The following FHIT variants were observed in gnomAD, a reference collection of about 807,000 sequenced individuals.
FHIT encodes bis(5'-adenosyl)-triphosphatase.
FHIT carries 19 observed loss-of-function variants against 17.9 expected under a neutral mutation model. That is an observed-to-expected ratio of 1.06 (90% confidence interval 0.74 to 1.56). The LOEUF (loss-of-function observed/expected upper bound fraction) is 1.56, where lower values mean the gene tolerates loss of function less well. Ranked by LOEUF, FHIT falls within the 40% of genes most tolerant of loss-of-function variation. The probability of loss-of-function intolerance (pLI) is 0.00; values close to 1 mark genes in which losing one functional copy is unlikely to be tolerated. For missense variants in FHIT, 248 were observed against 189.2 expected (o/e 1.31, Z -1.82); for synonymous variants, 81 against 69.7 (o/e 1.16, Z -0.81).
At chr3:60,547,612 C>T (rs2036409926) in intron 4 of FHIT, among the ~76,000 whole-genome samples, 1 of 152,172 alleles carries the variant, frequency 6.6e-6, no homozygotes, top group South Asian at 2.1e-4. Context: ...TGCTACCTCT[C>T]TCTTATGACA....
chr3:59,783,542 C>G (rs1403430898), intron 8 of FHIT, among the ~76,000 whole-genome samples: 1 of 152,214 alleles, frequency 6.6e-6, no homozygotes, highest in Non-Finnish European at 1.5e-5. Flanking sequence ...ACAGCCCTCT[C>G]TCTCTGCCAT....
At chr3:59,966,343 G>A (rs961642554) in intron 7 of FHIT, among the ~76,000 whole-genome samples, 8 of 152,124 alleles carry the variant, frequency 5.3e-5, no homozygotes, top group African/African-American at 1.4e-4. Context: ...ACTCACATAT[G>A]GTTGTCCTGG....
At chr3:60,135,955 CTGTA>C (rs1230848592) in intron 5 of FHIT, among the ~76,000 whole-genome samples, 1 of 152,062 alleles carries the variant, frequency 6.6e-6, no homozygotes, top group Non-Finnish European at 1.5e-5. Flanking sequence ...TCATTTTATC[CTGTA>C]TGTGTTTTTA....
intron 5 of FHIT, among the ~76,000 whole-genome samples, chr3:60,016,179 A>T (rs1339627977): frequency 6.6e-6 from 1 of 152,236 alleles, no homozygotes; most frequent in African/African-American, 2.4e-5. Context: ...CCTTTAAAGA[A>T]TTAAAGTTAC....
At chr3:59,929,788 T>A (rs1278849887) in intron 7 of FHIT, among the ~76,000 whole-genome samples, 1 of 151,246 alleles carries the variant, frequency 6.6e-6, no homozygotes, top group Non-Finnish European at 1.5e-5. Flanking sequence ...AAAATTTAGA[T>A]CACCAGTTAA....
intron 5 of FHIT, among the ~76,000 whole-genome samples, chr3:60,267,683 G>A (rs894247666): frequency 7.9e-5 from 12 of 151,900 alleles, no homozygotes; most frequent in African/African-American, 2.7e-4. Flanking sequence ...TCATTAATTC[G>A]TTTAGTAAAT....
At chr3:60,016,773 C>G (rs77274303) in intron 5 of FHIT, among the ~76,000 whole-genome samples, 1 of 152,166 alleles carries the variant, frequency 6.6e-6, no homozygotes, top group Non-Finnish European at 1.5e-5. Flanking sequence ...TTCTCCACAC[C>G]TAGACCAAAA....
At chr3:60,173,884 A>AATAT (rs776742490) in intron 5 of FHIT, among the ~76,000 whole-genome samples, 4,282 of 30,406 alleles carry the variant, frequency 0.14, 618 homozygotes, top group Non-Finnish European at 0.19. Flanking sequence ...CCATGTTTCT[A>AATAT]ATATATATAT....
chr3:60,382,223 C>T lies in FHIT; in HGVS notation c.103+154637G>A, dbSNP rs375843242. Among the ~76,000 whole-genome samples, 322 of 152,344 alleles carry T rather than the reference C, an allele frequency of 2.1e-3. 2 individuals are homozygous for T. The highest frequency in any genetic ancestry group is 7.1e-3 in the African/African-American group (295 of 41,582). ...AAAGTACAGTGTTTGGAATAGACAT[C>T]TCTTGCGGACATAGAATTGCGGAGT... On this transcript the variant is annotated intron_variant, in intron 5 of 9. Coordinates refer to ENST00000492590, the MANE Select transcript of FHIT (RefSeq NM_002012.4).
At chr3:60,860,828 CATATGTACATATATCAGGT>C (rs1400676355) in intron 3 of FHIT, among the ~76,000 whole-genome samples, 1,824 of 5,470 alleles carry the variant, frequency 0.33, 652 homozygotes, top group South Asian at 0.83. Context: ...ATATATGATA[CATATGTACATATATCAGGT>C]ATATATGAAC....
intron 8 of FHIT, among the ~76,000 whole-genome samples, chr3:59,774,755 C>T (rs908069449): frequency 3.9e-5 from 6 of 152,182 alleles, no homozygotes; most frequent in South Asian, 2.1e-4. Flanking sequence ...ACAGCCCACA[C>T]GTGAGATTCA....
chr3:60,375,516 A>C (rs1281156156), intron 5 of FHIT, among the ~76,000 whole-genome samples: 2 of 152,112 alleles, frequency 1.3e-5, no homozygotes, highest in Non-Finnish European at 2.9e-5. Flanking sequence ...CAGAGGTTGC[A>C]GTGAGCAGAG....
chr3:60,321,610 G>A (rs1256557125), intron 5 of FHIT, among the ~76,000 whole-genome samples: 1 of 152,202 alleles, frequency 6.6e-6, no homozygotes. Context: ...AAGCCTGTAG[G>A]AGAACTGCTG....
rs377550491 is a variant in FHIT, at chr3:60,579,788, T to C, written c.-17-42809A>G. 1.5e-4 allele frequency among the ~76,000 whole-genome samples: 23 copies of C among 152,262 alleles called. No individual in the cohort carries two copies. The East Asian group carries it at 4.5e-3, about 30-fold the overall frequency. On this transcript the variant is annotated intron_variant, in intron 4 of 9. Coordinates refer to ENST00000492590, the MANE Select transcript of FHIT (RefSeq NM_002012.4). ...CCTGAGTGGAGAAAGAGGCTTTCTATGTCAGCAGATACTTCAGAGGAACGT... is the reference window on the plus strand; with the variant it reads ...CCTGAGTGGAGAAAGAGGCTTTCTACGTCAGCAGATACTTCAGAGGAACGT...
At chr3:60,440,325 T>C (rs1432526633) in intron 5 of FHIT, among the ~76,000 whole-genome samples, 1 of 152,058 alleles carries the variant, frequency 6.6e-6, no homozygotes, top group Non-Finnish European at 1.5e-5. Context: ...TCATTCTGAG[T>C]GCCCTGTTAC....
chr3:60,786,498 GT>G (rs1700581342), intron 4 of FHIT, among the ~76,000 whole-genome samples: 1 of 152,156 alleles, frequency 6.6e-6, no homozygotes, highest in African/African-American at 2.4e-5. Context: ...CCTCAAATAA[GT>G]TATTTCACCC....
At chr3:60,579,063 C>T (rs2037668323) in intron 4 of FHIT, among the ~76,000 whole-genome samples, 1 of 152,092 alleles carries the variant, frequency 6.6e-6, no homozygotes, top group African/African-American at 2.4e-5. Context: ...TCCTTTCACC[C>T]ATCACTTGTA....
At chr3:60,955,615 T>TATATATACATATATATATAC (rs1709102442) in intron 3 of FHIT, among the ~76,000 whole-genome samples, 13 of 12,386 alleles carry the variant, frequency 1.0e-3, no homozygotes, top group Non-Finnish European at 3.1e-3. Context: ...TATATATATA[T>TATATATACATATATATATAC]ATATATATAT....
chr3:59,755,294 T>G (rs1448016699), intron 8 of FHIT, among the ~76,000 whole-genome samples: 1 of 152,182 alleles, frequency 6.6e-6, no homozygotes, highest in Non-Finnish European at 1.5e-5. Flanking sequence ...GTTTTTAATC[T>G]CTGCAGAAAT....
Sources: allele counts gnomAD v4.1 joint callset (sites outside exome capture counted in the v4.1 genomes callset), GRCh38; gene constraint gnomAD v4.1.1; transcripts MANE v1.5; gene names NCBI Gene and HGNC (gene_info 2026-07-23, HGNC 2026-07-21).